CYP2C19: variants seen among roughly 807,000 people sequenced by gnomAD.
The protein encoded by CYP2C19 is cytochrome P450 family 2 subfamily C member 19, also known as cytochrome P450 2C19.
CYP2C19 carries 59 observed loss-of-function variants against 40.9 expected under a neutral mutation model. The observed-to-expected ratio is 1.44, with a 90% CI of 1.17 to 1.79. CYP2C19 has a LOEUF of 1.79. CYP2C19 is among the 40% of genes most tolerant of loss of function. The pLI, the probability that CYP2C19 is intolerant of heterozygous loss-of-function variation, is 0.00. For missense variants in CYP2C19, 754 were observed against 596.9 expected, an observed-to-expected ratio of 1.26 and a Z score of -2.74; for synonymous variants, 253 against 208.7, an observed-to-expected ratio of 1.21 and a Z score of -1.83.
chr10:94,774,661 A>T (rs1027444501), intron 1 of CYP2C19: 5 of 208,762 alleles, frequency 2.4e-5, no homozygotes, highest in Non-Finnish European at 4.8e-5. Flanking sequence ...TAGACACAAG[A>T]GTGCTGATAA....
intron 1 of CYP2C19, among the ~76,000 whole-genome samples, chr10:94,766,903 T>C (rs1478496246): frequency 6.6e-6 from 1 of 152,086 alleles, no homozygotes; most frequent in African/African-American, 2.4e-5. Context: ...AAAGAGGCCA[T>C]AGATAGGGAG....
intron 5 of CYP2C19, among the ~76,000 whole-genome samples, chr10:94,791,646 G>T (rs1848607068): frequency 2.0e-5 from 3 of 152,114 alleles, no homozygotes; most frequent in African/African-American, 7.2e-5. Context: ...TCAGGAGCAG[G>T]TTGTTCAGTT....
At chr10:94,839,574 C>T (rs914024487) in intron 6 of CYP2C19, among the ~76,000 whole-genome samples, 1 of 152,200 alleles carries the variant, frequency 6.6e-6, no homozygotes, top group Non-Finnish European at 1.5e-5. Context: ...AGTTCTTATG[C>T]AAATTTGTTT....
At chr10:94,844,395 T>C (rs1849542343) in intron 7 of CYP2C19, among the ~76,000 whole-genome samples, 1 of 152,188 alleles carries the variant, frequency 6.6e-6, no homozygotes, top group Non-Finnish European at 1.5e-5. Context: ...CTGTCAGTGT[T>C]AGCTTAGCTC....
chr10:94,834,611 CA>C (rs1268649118), intron 6 of CYP2C19, among the ~76,000 whole-genome samples: 7 of 150,594 alleles, frequency 4.6e-5, no homozygotes, highest in Non-Finnish European at 8.9e-5. Context: ...AGCTCCCATA[CA>C]AAGGGAGGGG....
At chr10:94,789,981 G>T (rs1848585710) in intron 5 of CYP2C19, among the ~76,000 whole-genome samples, 1 of 152,156 alleles carries the variant, frequency 6.6e-6, no homozygotes, top group Admixed American at 6.5e-5. Context: ...CATGAGCATG[G>T]AATGTTCTTG....
chr10:94,791,741 T>C (rs920419524), intron 5 of CYP2C19, among the ~76,000 whole-genome samples: 1 of 152,194 alleles, frequency 6.6e-6, no homozygotes, highest in Admixed American at 6.5e-5. Context: ...CAGTTTGTTA[T>C]AATTTCTATT....
intron 8 of CYP2C19, among the ~76,000 whole-genome samples, chr10:94,851,376 C>T (rs894120951): frequency 2.6e-5 from 4 of 151,614 alleles, no homozygotes; most frequent in Admixed American, 2.0e-4. Flanking sequence ...GTATCTCCCC[C>T]AACACTGGGA....
chr10:94,837,994 A>C (rs11188092), intron 6 of CYP2C19, among the ~76,000 whole-genome samples: 29,152 of 151,884 alleles, frequency 0.19, 2,994 homozygotes, highest in Middle Eastern at 0.23. Context: ...TAGACATATA[A>C]TTTTCCCAAC....
At chr10:94,765,612 G>A (rs1447156515) in intron 1 of CYP2C19, among the ~76,000 whole-genome samples, 3 of 152,104 alleles carry the variant, frequency 2.0e-5, no homozygotes, top group African/African-American at 4.8e-5. Context: ...GAGAGTGATT[G>A]AAAGGGGATG....
chr10:94,765,115 C>T (rs2134229006), intron 1 of CYP2C19, among the ~76,000 whole-genome samples: 1 of 152,214 alleles, frequency 6.6e-6, no homozygotes, highest in Middle Eastern at 3.4e-3. Flanking sequence ...TTTGTTATTT[C>T]TTGTAAACTG....
rs922499451 is a variant in CYP2C19, at chr10:94,820,754, C to T, written c.961+117C>T. ...TCCATTATTTAAATTTCTGTGCCCG[C>T]AGCTGTAATCTGTCCCAATTTAATG... On this transcript the variant is annotated intron_variant, in intron 6 of 8. Transcript: ENST00000371321. 1.0e-5 allele frequency: 13 copies of T among 1,277,062 alleles called. No homozygotes were observed. In the African/African-American group the frequency reaches 1.9e-4, roughly 19 times the overall value. The allele number at this position is 1,277,062 out of a possible 1,614,324, so 79.1% of individuals were successfully genotyped here. A position where few individuals can be genotyped will look rare whatever the true frequency, so the allele number is the denominator to read the frequency against.
At chr10:94,820,736 T>C in intron 6 of CYP2C19, 99 bp downstream of exon 6, 1 of 1,481,910 alleles carries the variant, frequency 6.7e-7, no homozygotes, top group African/African-American at 1.4e-5. Flanking sequence ...AGTTCCATTA[T>C]TTAAATTTCT....
At chr10:94,847,847 CA>C (rs532932624) in intron 7 of CYP2C19, among the ~76,000 whole-genome samples, 158 of 152,264 alleles carry the variant, frequency 1.0e-3, no homozygotes, top group Admixed American at 1.8e-3. Context: ...AGCATTTTTT[CA>C]AGTGCTTTTG....
intron 5 of CYP2C19, among the ~76,000 whole-genome samples, chr10:94,811,329 A>G (rs1156854963): frequency 1.3e-5 from 2 of 151,096 alleles, no homozygotes; most frequent in African/African-American, 2.5e-5. Context: ...AATAAGTGTG[A>G]AGTGGTGCTG....
At chr10:94,776,993 C>G (rs960587410) in intron 3 of CYP2C19, among the ~76,000 whole-genome samples, 1 of 152,068 alleles carries the variant, frequency 6.6e-6, no homozygotes, top group Non-Finnish European at 1.5e-5. Context: ...CACAAGCATT[C>G]CTATACACCA....
At chr10:94,799,892 G>A (rs762611657) in intron 5 of CYP2C19, among the ~76,000 whole-genome samples, 1 of 151,968 alleles carries the variant, frequency 6.6e-6, no homozygotes, top group Non-Finnish European at 1.5e-5. Flanking sequence ...GTTCTAGTTA[G>A]CCATTCATCT....
chr10:94,852,790 C>A lies in CYP2C19; in HGVS notation c.1349C>A (p.Thr450Asn), dbSNP rs141690375. ...LARMELFLFLTFILQNFNLKS... is the reference protein window; with the variant it reads ...LARMELFLFLNFILQNFNLKS... ...CGCATGGAGCTGTTTTTATTCCTGA[C>A]CTTCATTTTACAGAACTTTAACCTG... The change falls in exon 9 of 9, where the codon ACC becomes AAC. Residue 450 changes from threonine to asparagine, a missense_variant. Physicochemically the swap from Thr to Asn is moderately conservative, Grantham distance 65 (BLOSUM62 0). Coordinates refer to ENST00000371321, the MANE Select transcript of CYP2C19 (RefSeq NM_000769.4). 6 of 1,614,032 alleles carry A rather than the reference C, an allele frequency of 3.7e-6. No individual in the cohort carries two copies. The highest frequency in any genetic ancestry group is 3.3e-5 in the South Asian group (3 of 91,078).
chr10:94,818,907 G>A (rs1286974605), intron 5 of CYP2C19, among the ~76,000 whole-genome samples: 2 of 152,044 alleles, frequency 1.3e-5, no homozygotes, highest in East Asian at 3.9e-4. Flanking sequence ...GATTGCCCTG[G>A]CCAGAACTTC....
Sources: gnomAD v4.1 joint callset for allele counts (sites outside exome capture counted in the v4.1 genomes callset) on GRCh38, gnomAD v4.1.1 for gene constraint, MANE v1.5 for transcripts, NCBI Gene and HGNC (gene_info 2026-07-23, HGNC 2026-07-21) for gene names.